Variants in KCNH7 observed in about 807,000 individuals in gnomAD.
KCNH7 encodes potassium voltage-gated channel subfamily H member 7.
Under a neutral mutation model 120.8 loss-of-function variants are expected in KCNH7, and 49 were observed. That is an observed-to-expected ratio of 0.41 (90% confidence interval 0.32 to 0.51). The LOEUF (loss-of-function observed/expected upper bound fraction) is 0.51, where lower values mean the gene tolerates loss of function less well. Among genes scored for constraint, KCNH7 ranks in the 20% least tolerant of loss-of-function variants. The pLI is 0.38. For synonymous variants in KCNH7, 547 were observed against 516.1 expected (o/e 1.06, Z -0.81); for missense variants, 1,097 against 1,446.6 (o/e 0.76, Z 3.92).
chr2:162,381,410 C>A (rs1686414219), intron 13 of KCNH7, among the ~76,000 whole-genome samples: 1 of 151,978 alleles, frequency 6.6e-6, no homozygotes, highest in Non-Finnish European at 1.5e-5. Flanking sequence ...GCAGTTTCTC[C>A]AAGGGTAGTT....
rs1176898651 is a variant in KCNH7 at position 162,741,315 on chromosome 2, C to CACATATTAATAACATATGTTATTAATTAT, written c.307+95193_307+95221dup. 6.7e-4 allele frequency among the ~76,000 whole-genome samples: 94 copies of CACATATTAATAACATATGTTATTAATTAT among 140,482 alleles called. 1 individual carries two copies. The highest frequency in any genetic ancestry group is 2.3e-3 in the African/African-American group (84 of 36,332). 92.2% of individuals were successfully genotyped at this position (140,482 alleles called of 152,430 possible). On this transcript the variant is annotated intron_variant, in intron 2 of 15. Coordinates refer to ENST00000332142, the MANE Select transcript of KCNH7 (RefSeq NM_033272.4). ...TATTAATAACATATGTTATTAATTACACATATTAATAACATATGTTATTAA... is the reference window on the plus strand; with the variant it reads ...TATTAATAACATATGTTATTAATTACACATATTAATAACATATGTTATTAATTATACATATTAATAACATATGTTATTAA...
chr2:162,449,158 G>A (rs1688681693), intron 6 of KCNH7, among the ~76,000 whole-genome samples: 1 of 152,018 alleles, frequency 6.6e-6, no homozygotes, highest in South Asian at 2.1e-4. Context: ...GGGAAGTAGG[G>A]TAGAGGACGG....
intron 2 of KCNH7, among the ~76,000 whole-genome samples, chr2:162,562,782 T>C (rs533923375): frequency 6.6e-6 from 1 of 152,336 alleles, no homozygotes; most frequent in African/African-American, 2.4e-5. Context: ...GTCTTGCCCA[T>C]CTTGCTATTC....
intron 2 of KCNH7, among the ~76,000 whole-genome samples, chr2:162,820,034 T>A (rs1685054950): frequency 8.7e-5 from 2 of 22,866 alleles, no homozygotes; most frequent in African/African-American, 1.4e-4. Context: ...TTCCATAAAC[T>A]TTTTTTTTTT....
At chr2:162,579,175 G>A (rs554404703) in intron 2 of KCNH7, among the ~76,000 whole-genome samples, 1 of 152,034 alleles carries the variant, frequency 6.6e-6, no homozygotes, top group African/African-American at 2.4e-5. Flanking sequence ...TACTTGTATC[G>A]ACTGAGCAGA....
intron 3 of KCNH7, among the ~76,000 whole-genome samples, chr2:162,531,061 T>C (rs1249284661): frequency 1.3e-5 from 2 of 151,952 alleles, no homozygotes; most frequent in Non-Finnish European, 2.9e-5. Flanking sequence ...TAATTTTATC[T>C]GCATATTTTT....
chr2:162,737,606 G>A (rs1276919728), intron 2 of KCNH7, among the ~76,000 whole-genome samples: 1 of 152,016 alleles, frequency 6.6e-6, no homozygotes, highest in Non-Finnish European at 1.5e-5. Flanking sequence ...TTGTATTTCA[G>A]GAAAATTATA....
At chr2:162,477,144 G>A (rs752198915) in intron 6 of KCNH7, among the ~76,000 whole-genome samples, 4 of 152,324 alleles carry the variant, frequency 2.6e-5, no homozygotes, top group Non-Finnish European at 5.9e-5. Flanking sequence ...TTCTTGCCTA[G>A]CAGTAAGTAA....
At chr2:162,745,684 A>G (rs971459642) in intron 2 of KCNH7, among the ~76,000 whole-genome samples, 4 of 152,152 alleles carry the variant, frequency 2.6e-5, no homozygotes, top group Non-Finnish European at 4.4e-5. Context: ...ATGGCAGTAT[A>G]CCACTTTCTA....
intron 2 of KCNH7, among the ~76,000 whole-genome samples, chr2:162,662,816 A>G (rs548182610): frequency 6.6e-6 from 1 of 152,222 alleles, no homozygotes; most frequent in Non-Finnish European, 1.5e-5. Flanking sequence ...TTGTGTGCAC[A>G]GCTTTTAATA....
intron 2 of KCNH7, among the ~76,000 whole-genome samples, chr2:162,582,593 T>G (rs1693910784): frequency 1.3e-5 from 2 of 152,110 alleles, no homozygotes; most frequent in African/African-American, 4.8e-5. Flanking sequence ...GGGGCCTGGC[T>G]GAGTCATGCT....
At chr2:162,469,735 C>T (rs1294597757) in intron 6 of KCNH7, among the ~76,000 whole-genome samples, 2 of 151,834 alleles carry the variant, frequency 1.3e-5, no homozygotes, top group East Asian at 3.9e-4. Context: ...CTTCTCTTTC[C>T]ATGGTCTCCC....
At chr2:162,527,693 T>TAATTTTGATTAAATTAA (rs1363598053) in intron 3 of KCNH7, among the ~76,000 whole-genome samples, 1 of 152,008 alleles carries the variant, frequency 6.6e-6, no homozygotes, top group Non-Finnish European at 1.5e-5. Flanking sequence ...TTCAAAATTT[T>TAATTTTGATTAAATTAA]AGTAAGCGTA....
chr2:162,430,645 A>C (rs1688033307), intron 8 of KCNH7, among the ~76,000 whole-genome samples: 2 of 151,942 alleles, frequency 1.3e-5, no homozygotes, highest in Non-Finnish European at 2.9e-5. Context: ...GTGCCTGAAA[A>C]CAATTGCCTT....
intron 2 of KCNH7, among the ~76,000 whole-genome samples, chr2:162,825,845 AAAAACAT>A (rs1685265464): frequency 1.3e-5 from 2 of 152,150 alleles, no homozygotes; most frequent in Non-Finnish European, 2.9e-5. Context: ...TGGTCTTGTT[AAAAACAT>A]GCATGAATGC....
intron 2 of KCNH7, among the ~76,000 whole-genome samples, chr2:162,557,782 G>C (rs979864683): frequency 6.6e-6 from 1 of 152,022 alleles, no homozygotes. Context: ...TTACACTTCT[G>C]AAAGTCTATT....
chr2:162,541,187 A>C (rs551759911), intron 2 of KCNH7, among the ~76,000 whole-genome samples: 1 of 152,182 alleles, frequency 6.6e-6, no homozygotes, highest in Non-Finnish European at 1.5e-5. Context: ...CAGGAGACTG[A>C]AGTTAAGTTC....
At chr2:162,648,475 A>G (rs1023579790) in intron 2 of KCNH7, among the ~76,000 whole-genome samples, 16 of 152,204 alleles carry the variant, frequency 1.1e-4, no homozygotes, top group African/African-American at 3.9e-4. Flanking sequence ...GCCAAACCAT[A>G]TCAACCACAT....
intron 15 of KCNH7, 41 bp from the exon 16 acceptor site, chr2:162,372,136 TGATA>T (rs777037992): frequency 4.0e-5 from 58 of 1,464,054 alleles, no homozygotes; most frequent in South Asian, 4.9e-5. Flanking sequence ...TAATTCACAT[TGATA>T]GATAGTCATT....
Sources: allele counts gnomAD v4.1 joint callset (sites outside exome capture counted in the v4.1 genomes callset), GRCh38; gene constraint gnomAD v4.1.1; transcripts MANE v1.5; gene names NCBI Gene and HGNC (gene_info 2026-07-23, HGNC 2026-07-21).